The following CELSR1 variants were observed in gnomAD, a reference collection of about 807,000 sequenced individuals.
The protein encoded by CELSR1 is adhesion G protein-coupled receptor C1.
A neutral mutation model predicts 249.1 loss-of-function variants in CELSR1; 110 were observed. The ratio of observed to expected loss-of-function variants is 0.44; its 90% CI spans 0.38 to 0.52. CELSR1 has a LOEUF of 0.52. Among genes scored for constraint, CELSR1 ranks in the 20% least tolerant of loss-of-function variants. The pLI, the probability that CELSR1 is intolerant of heterozygous loss-of-function variation, is 0.00. For synonymous variants in CELSR1, 2,113 were observed against 1,900.0 expected, an observed-to-expected ratio of 1.11 and a Z score of -2.92; for missense variants, 4,109 against 4,296.4, an observed-to-expected ratio of 0.96 and a Z score of 1.22.
At chr22:46,486,228 C>T (rs1055481802) in intron 1 of CELSR1, among the ~76,000 whole-genome samples, 2 of 150,978 alleles carry the variant, frequency 1.3e-5, no homozygotes, top group Non-Finnish European at 3.0e-5. Flanking sequence ...AGTGAGCCAC[C>T]GCGCCCGGCC....
chr22:46,398,547 G>C lies in CELSR1; in HGVS notation c.5503C>G (p.Arg1835Gly), dbSNP rs748100967. 1.9e-6 allele frequency: 3 copies of C among 1,605,390 alleles called. No individual in the cohort carries two copies. Among genetic ancestry groups the C allele is most frequent in the African/African-American group, 2.7e-5 (2 of 74,442 alleles). ...ACCTGCATGCAGCCTCGGAATCCACGGCGCACGGAGACCTTGTCTTCAGAG... is the reference window on the plus strand; with the variant it reads ...ACCTGCATGCAGCCTCGGAATCCACCGCGCACGGAGACCTTGTCTTCAGAG... The part of the protein sequence containing the change: ...GASEDKVSVR[R>G]GFRGCMQGVR... The change falls in exon 11 of 35, where the codon CGT becomes GGT. Residue 1835 changes from arginine (R) to glycine (G), a missense_variant. Physicochemically the swap from Arg to Gly is moderately radical, Grantham distance 125. Around this residue, in one of 7 missense-constraint regions of CELSR1, gnomAD observed 1,805 missense variants for 1,831.6 expected, o/e 0.99. Coordinates refer to ENST00000674500, the MANE Select transcript of CELSR1 (RefSeq NM_001378328.1). This position sits in a 1 kb window ranked among gnomAD's most constrained non-coding sequence, Gnocchi z 7.2.
In CELSR1 at chr22:46,423,627, C is replaced by T. The variant is rs2079504649; in HGVS notation, c.4611+9766G>A. On this transcript the variant is annotated intron_variant, in intron 5 of 34. Transcript: ENST00000674500. This position sits in a 1 kb window ranked among gnomAD's most constrained non-coding sequence, Gnocchi z 5.6. ...TCTCAGAAAAAAAAAAAAAAAAAGACTCCATGCTTTAGGCAGTTTATGACC... is the reference window on the plus strand; with the variant it reads ...TCTCAGAAAAAAAAAAAAAAAAAGATTCCATGCTTTAGGCAGTTTATGACC... Among the ~76,000 whole-genome samples the T allele has an allele frequency of 1.4e-5, 2 of 143,384 alleles. No homozygotes were observed. The highest frequency in any genetic ancestry group is 1.4e-4 in the Admixed American group (2 of 14,426). 94.1% of individuals were successfully genotyped at this position (143,384 alleles called of 152,430 possible). A position where few individuals can be genotyped will look rare whatever the true frequency, so the allele number is the denominator to read the frequency against.
At chr22:46,528,891 T>C (rs2080764693) in intron 1 of CELSR1, among the ~76,000 whole-genome samples, 1 of 150,586 alleles carries the variant, frequency 6.6e-6, no homozygotes, top group Non-Finnish European at 1.5e-5. Context: ...ATCGCGCCAC[T>C]GCACTCCAGC....
Position 46,398,349 on chromosome 22 carries a change from G to A in CELSR1, c.5526+175C>T, listed in dbSNP as rs1413398912. On this transcript the variant is annotated intron_variant, in intron 11 of 34. Coordinates refer to ENST00000674500, the MANE Select transcript of CELSR1 (RefSeq NM_001378328.1). This position sits in a 1 kb window ranked among gnomAD's most constrained non-coding sequence, Gnocchi z 7.2. ...GCCCGGATGCCAAGGGGAACCGCAG[G>A]GGAGAATGGGTCTGAAGAGGAAACA... 6.6e-6 allele frequency among the ~76,000 whole-genome samples: 1 copy of A among 152,138 alleles called. No homozygotes were observed. The highest frequency in any genetic ancestry group is 1.5e-5 in the Non-Finnish European group (1 of 68,006).
At chr22:46,459,136 C>A (rs1402919049) in intron 2 of CELSR1, among the ~76,000 whole-genome samples, 1 of 152,166 alleles carries the variant, frequency 6.6e-6, no homozygotes, top group African/African-American at 2.4e-5. Flanking sequence ...GATCCACGTG[C>A]CTCGGCCTCC....
In CELSR1 at chr22:46,488,612, A is replaced by C. The variant is rs1167540392; in HGVS notation, c.3545-24267T>G. On this transcript the variant is annotated intron_variant, in intron 1 of 34. Coordinates refer to ENST00000674500, the MANE Select transcript of CELSR1 (RefSeq NM_001378328.1). This position sits in a 1 kb window ranked among gnomAD's most constrained non-coding sequence, Gnocchi z 4.7. ...CCGCGCCACAGTGGAAAGTCCCCAGAAGCAGCAGTTTCTACGGCACAGCAG... is the reference window on the plus strand; with the variant it reads ...CCGCGCCACAGTGGAAAGTCCCCAGCAGCAGCAGTTTCTACGGCACAGCAG... 2.0e-5 allele frequency among the ~76,000 whole-genome samples: 3 copies of C among 151,778 alleles called. No individual in the cohort carries two copies. Among genetic ancestry groups the C allele is most frequent in the Non-Finnish European group, 4.4e-5 (3 of 67,978 alleles).
rs1184488811 is a variant in CELSR1 at position 46,363,077 on chromosome 22, G to A, written c.*146C>T. The A allele has an allele frequency of 4.0e-5, 62 of 1,544,112 alleles. No homozygotes were observed. The highest frequency in any genetic ancestry group is 3.8e-4 in the South Asian group (34 of 89,510). On this transcript the variant is annotated 3_prime_UTR_variant, in exon 35 of 35. Transcript: ENST00000674500. The surrounding 1 kb of genome is among the most constrained non-coding windows in gnomAD (Gnocchi z 4.3). ...TCAGTCGGGGGGCTGCCACCATGGG[G>A]ACCGCCACACTCTGGGCCCACTCCA...
chr22:46,483,638 C>A (rs2080288467), intron 1 of CELSR1, among the ~76,000 whole-genome samples: 1 of 152,120 alleles, frequency 6.6e-6, no homozygotes, highest in Non-Finnish European at 1.5e-5. Context: ...TAAGTCTTTG[C>A]TCCCATTATC....
intron 19 of CELSR1, among the ~76,000 whole-genome samples, chr22:46,385,792 C>T (rs956384655): frequency 1.3e-5 from 2 of 151,854 alleles, no homozygotes; most frequent in African/African-American, 4.8e-5. Context: ...ATTCTCCTGC[C>T]TCAGCCTCCC....
rs955684583 is a variant in CELSR1, at chr22:46,413,670, A to C, written c.4612-1911T>G. Among the ~76,000 whole-genome samples, 5 of 152,226 alleles carry C rather than the reference A, an allele frequency of 3.3e-5. No homozygotes were observed. The highest frequency in any genetic ancestry group is 3.3e-4 in the Admixed American group (5 of 15,284). On this transcript the variant is annotated intron_variant, in intron 5 of 34. Transcript: ENST00000674500. The surrounding 1 kb of genome is among the most constrained non-coding windows in gnomAD (Gnocchi z 4.7). ...ATTTTTCTTTTACATCAGCTGATGA[A>C]ATCACAAGGTCTGATAAGCTGTCTC...
At chr22:46,507,432 C>G (rs1351588705) in intron 1 of CELSR1, among the ~76,000 whole-genome samples, 2 of 151,952 alleles carry the variant, frequency 1.3e-5, no homozygotes, top group African/African-American at 4.8e-5. Flanking sequence ...CCCACAGCAC[C>G]CCGAGCAGCT....
chr22:46,432,660 C>A (rs1190816416), intron 5 of CELSR1, among the ~76,000 whole-genome samples: 1 of 152,250 alleles, frequency 6.6e-6, no homozygotes, highest in Non-Finnish European at 1.5e-5. Context: ...AACCACCCAG[C>A]CTTCACGGCA....
rs191978644 is a variant in CELSR1, at chr22:46,436,367, C to A, written c.4407-78G>T. On this transcript the variant is annotated intron_variant, in intron 3 of 34. Transcript: ENST00000674500. This position sits in a 1 kb window ranked among gnomAD's most constrained non-coding sequence, Gnocchi z 5.9. ...GCTGCCTAGGAATGACAAGTCCAGC[C>A]GGAGGAGGGCAAGCACGTGGGGCTA... 15 of 1,043,284 alleles carry A rather than the reference C, an allele frequency of 1.4e-5. No individual in the cohort carries two copies. The East Asian group carries it at 3.2e-4, about 22-fold the overall frequency. The allele number at this position is 1,043,284 out of a possible 1,614,324, so 64.6% of individuals were successfully genotyped here.
rs2078706190 is a variant in CELSR1 at position 46,361,680 on chromosome 22, C to G, written c.*1543G>C. On this transcript the variant is annotated 3_prime_UTR_variant, in exon 35 of 35. Transcript: ENST00000674500. ...TACGCTTTTCCTCTCCCATAGGCAT[C>G]TGCTAACAGTGCTCACATTTTCATC... The G allele has an allele frequency of 6.6e-6, 1 of 152,276 alleles. No homozygotes were observed. The allele number at this position is 152,276 out of a possible 1,614,324, so 9.4% of individuals were successfully genotyped here. A position where few individuals can be genotyped will look rare whatever the true frequency, so the allele number is the denominator to read the frequency against.
rs1284740675 is a variant in CELSR1 at position 46,526,621 on chromosome 22, C to T, written c.3544+7006G>A. ...GACGGCATCCATCACGGATGACCCC[C>T]TCGGAGACACTCGCCCTCCCTCAGC... On this transcript the variant is annotated intron_variant, in intron 1 of 34. Coordinates refer to ENST00000674500, the MANE Select transcript of CELSR1 (RefSeq NM_001378328.1). The surrounding 1 kb of genome is among the most constrained non-coding windows in gnomAD (Gnocchi z 4.7). Among the ~76,000 whole-genome samples the T allele has an allele frequency of 6.6e-6, 1 of 152,230 alleles. No individual in the cohort carries two copies. The highest frequency in any genetic ancestry group is 1.5e-5 in the Non-Finnish European group (1 of 68,036).
At chr22:46,415,097 G>T (rs1401552009) in intron 5 of CELSR1, among the ~76,000 whole-genome samples, 1 of 152,236 alleles carries the variant, frequency 6.6e-6, no homozygotes, top group Non-Finnish European at 1.5e-5. Flanking sequence ...GCAGACAGAT[G>T]TTGCCAGGAG....
In CELSR1 at chr22:46,534,082, G is replaced by A; in HGVS notation, c.3089C>T (p.Pro1030Leu). 2 of 1,613,770 alleles carry A rather than the reference G, an allele frequency of 1.2e-6. No homozygotes were observed. Among genetic ancestry groups the A allele is most frequent in the Non-Finnish European group, 1.7e-6 (2 of 1,180,044 alleles). Reference protein sequence around the residue: ...KIRANDPDEGPNAQIMYQIVE... With the variant: ...KIRANDPDEGLNAQIMYQIVE... Reference sequence around the variant, plus strand: ...AATCTGATACATGATCTGGGCATTAGGGCCTTCATCAGGGTCGTTAGCACG... The same window carrying A: ...AATCTGATACATGATCTGGGCATTAAGGCCTTCATCAGGGTCGTTAGCACG... Residue 1030 changes from proline (P) to leucine (L), a missense_variant, in exon 1 of 35, where the codon CCT (proline) becomes CTT (leucine). By Grantham distance (98) the Pro-to-Leu change is moderately conservative. This residue lies in a region of CELSR1 where 886 missense variants were observed against 896.5 expected (regional missense o/e 0.99). Coordinates refer to ENST00000674500, the MANE Select transcript of CELSR1 (RefSeq NM_001378328.1). This position sits in a 1 kb window ranked among gnomAD's most constrained non-coding sequence, Gnocchi z 9.7.
chr22:46,415,662 C>G (rs934566994), intron 5 of CELSR1, among the ~76,000 whole-genome samples: 1 of 151,992 alleles, frequency 6.6e-6, no homozygotes, highest in Non-Finnish European at 1.5e-5. Flanking sequence ...GGCATCCCCC[C>G]TCACCAGCCC....
Position 46,536,521 on chromosome 22 carries a change from G to C in CELSR1, c.650C>G (p.Pro217Arg), listed in dbSNP as rs2080858155. 6.8e-7 allele frequency: 1 copy of C among 1,474,006 alleles called. No individual in the cohort carries two copies. Among genetic ancestry groups the C allele is most frequent in the Non-Finnish European group, 8.9e-7 (1 of 1,118,214 alleles). The allele number at this position is 1,474,006 out of a possible 1,614,324, so 91.3% of individuals were successfully genotyped here. A position where few individuals can be genotyped will look rare whatever the true frequency, so the allele number is the denominator to read the frequency against. The change falls in exon 1 of 35, where the codon CCC becomes CGC. Residue 217 changes from proline (P) to arginine (R), a missense_variant. Pro to Arg is a moderately radical substitution (Grantham distance 103). Transcript: ENST00000674500. ...TPSASPSPSP[P>R]LPPNLPEARA... ...GGCTTCGGGCAAGTTCGGCGGCAGG[G>C]GCGGCGATGGGGATGGCGACGCGGA...
Sources: allele counts gnomAD v4.1 joint callset (sites outside exome capture counted in the v4.1 genomes callset), GRCh38; gene constraint gnomAD v4.1.1; regional missense constraint gnomAD v4.1.1; non-coding constraint Gnocchi (gnomAD v3.1); transcripts MANE v1.5; gene names NCBI Gene and HGNC (gene_info 2026-07-23, HGNC 2026-07-21).